ASH1L: variants seen among roughly 807,000 people sequenced by gnomAD.
ASH1L encodes the protein histone-lysine N-methyltransferase ASH1L.
Under a neutral mutation model 269.0 loss-of-function variants are expected in ASH1L, and 23 were observed. That is an observed-to-expected ratio of 0.09 (90% CI 0.06 to 0.12). The LOEUF (loss-of-function observed/expected upper bound fraction) is 0.12, where lower values mean the gene tolerates loss of function less well. ASH1L is among the 10% of genes least tolerant of loss of function. The pLI is 1.00. For missense variants in ASH1L, 2,912 were observed against 3,567.8 expected (o/e 0.82, Z 4.68); for synonymous variants, 1,187 against 1,253.5 (o/e 0.95, Z 1.12).
At chr1:155,423,568 A>AAAAAC (rs770798692) in intron 5 of ASH1L, among the ~76,000 whole-genome samples, 8 of 152,190 alleles carry the variant, frequency 5.3e-5, no homozygotes, top group South Asian at 2.1e-4. Context: ...ACTCTGTCTC[A>AAAAAC]AAAACAAAAC....
At chr1:155,534,961 G>A (rs543608234) in intron 1 of ASH1L, among the ~76,000 whole-genome samples, 5 of 152,286 alleles carry the variant, frequency 3.3e-5, no homozygotes, top group South Asian at 4.1e-4. Flanking sequence ...AGGCCAAGGC[G>A]GGTGGATCAC....
Position 155,478,509 on chromosome 1 carries a change from G to A in ASH1L, c.4361C>T (p.Thr1454Ile). 6.2e-7 allele frequency: 1 copy of A among 1,614,114 alleles called. No homozygotes were observed. The highest frequency in any genetic ancestry group is 1.3e-5 in the African/African-American group (1 of 75,034). Reference sequence around the variant, plus strand: ...GGAAAGGAGGGGAGTCCTGCTGGTTGTAAGAAAGGCCTCCTGTCGAAGTAG... The same window carrying A: ...GGAAAGGAGGGGAGTCCTGCTGGTTATAAGAAAGGCCTCCTGTCGAAGTAG... ...HKLLRQEAFL[T>I]TSRTPLLSMS... Residue 1454 changes from threonine to isoleucine, a missense_variant, in exon 3 of 28, where the codon ACA becomes ATA. By Grantham distance (89) the Thr-to-Ile change is moderately conservative. This residue lies in a region of ASH1L where 789 missense variants were observed against 897.6 expected (regional missense o/e 0.88). Transcript: ENST00000392403. This position sits in a 1 kb window ranked among gnomAD's most constrained non-coding sequence, Gnocchi z 4.6.
intron 22 of ASH1L, 116 bp downstream of exon 22, chr1:155,344,067 T>C (rs1469003909): frequency 2.0e-5 from 17 of 868,828 alleles, no homozygotes; most frequent in Admixed American, 2.5e-5. Flanking sequence ...TAAAAACTTA[T>C]ATTCTATTGC....
chr1:155,388,476 A>C (rs1474203415), intron 7 of ASH1L, among the ~76,000 whole-genome samples: 9 of 151,118 alleles, frequency 6.0e-5, no homozygotes, highest in African/African-American at 2.2e-4. Context: ...TTTCTTTTTA[A>C]ATTTTTGTAT....
chr1:155,478,601 A>T lies in ASH1L; in HGVS notation c.4269T>A (p.Pro1423=). ...PSPSFTTPLP[P]PSYMHAGHLL... is the part of the protein sequence containing the mutation. ...AATGACCAGCATGCATATAGGAAGG[A>T]GGTGGAAGTGGCGTGGTGAAAGAAG... is the stretch of plus-strand genomic sequence containing the variant. The change falls in exon 3 of 28, where the codon CCT becomes CCA. Residue 1423 remains proline (P), a synonymous_variant. Transcript: ENST00000392403. The surrounding 1 kb of genome is among the most constrained non-coding windows in gnomAD (Gnocchi z 4.6). The T allele has an allele frequency of 1.2e-6, 2 of 1,614,002 alleles. No individual in the cohort carries two copies. Among genetic ancestry groups the T allele is most frequent in the Non-Finnish European group, 1.7e-6 (2 of 1,180,008 alleles).
In ASH1L at chr1:155,481,441, T is replaced by C; in HGVS notation, c.1429A>G (p.Ile477Val). The C allele has an allele frequency of 6.2e-7, 1 of 1,614,108 alleles. No homozygotes were observed. ...KNVVRQNKES[I>V]LEKFSVRKEI... ...TTTCGTACTGAGAACTTTTCCAATA[T>C]GCTTTCTTTATTCTGCCGTACAACA... The change falls in exon 3 of 28, where the codon ATA becomes GTA. Residue 477 changes from isoleucine (I) to valine (V), a missense_variant. Ile to Val is a conservative substitution (Grantham distance 29). This residue lies in a region of ASH1L where 715 missense variants were observed against 721.0 expected (regional missense o/e 0.99). Transcript: ENST00000392403.
rs114298503 is a variant in ASH1L, at chr1:155,395,281, C to T, written c.6103+178G>A. 9.4e-3 allele frequency among the ~76,000 whole-genome samples: 1,435 copies of T among 152,160 alleles called. 26 individuals carry two copies. The highest frequency in any genetic ancestry group is 0.034 in the African/African-American group (1,393 of 41,502). The stretch of plus-strand genomic sequence containing the variant: ...ATGAACAAGATTTATGCCACTGTGA[C>T]CCCCTGACTATCAAACAGTGTATAA... On this transcript the variant is annotated intron_variant, in intron 7 of 27. Coordinates refer to ENST00000392403, the MANE Select transcript of ASH1L (RefSeq NM_018489.3).
In ASH1L at chr1:155,343,652, C is replaced by T. The variant is rs1046539314; in HGVS notation, c.8072G>A (p.Arg2691Gln). ...QSYRLLSHIN[R>Q]DKLDIFRIEK... Reference sequence around the variant, plus strand: ...AATGCGAAAGATGTCAAGTTTATCTCGGTTAATGTGAGATAACAGTCGATA... The same window carrying T: ...AATGCGAAAGATGTCAAGTTTATCTTGGTTAATGTGAGATAACAGTCGATA... Residue 2691 changes from arginine to glutamine, a missense_variant, in exon 23 of 28, where the codon CGA becomes CAA. This residue lies in a region of ASH1L where 179 missense variants were observed against 293.8 expected (regional missense o/e 0.61). Coordinates refer to ENST00000392403, the MANE Select transcript of ASH1L (RefSeq NM_018489.3). This position sits in a 1 kb window ranked among gnomAD's most constrained non-coding sequence, Gnocchi z 6.1. 7 of 1,614,020 alleles carry T rather than the reference C, an allele frequency of 4.3e-6. No homozygotes were observed. Among genetic ancestry groups the T allele is most frequent in the South Asian group, 1.1e-5 (1 of 91,084 alleles).
intron 1 of ASH1L, among the ~76,000 whole-genome samples, chr1:155,558,844 T>C (rs184543203): frequency 2.7e-5 from 4 of 149,940 alleles, no homozygotes; most frequent in Admixed American, 2.0e-4. Context: ...AGGCCCCTTT[T>C]TCTTTTCTTT....
At chr1:155,472,448 A>T (rs1665175029) in intron 3 of ASH1L, among the ~76,000 whole-genome samples, 1 of 152,192 alleles carries the variant, frequency 6.6e-6, no homozygotes. Context: ...CCTCTTGGGT[A>T]ATTTCAATGT....
intron 6 of ASH1L, among the ~76,000 whole-genome samples, chr1:155,408,615 A>T (rs1659506442): frequency 6.6e-6 from 1 of 152,188 alleles, no homozygotes; most frequent in Admixed American, 6.5e-5. Flanking sequence ...GCTCAAAGAT[A>T]AGTAATCTGA....
chr1:155,360,198 A>T, intron 13 of ASH1L, 103 bp downstream of exon 13: 1 of 794,050 alleles, frequency 1.3e-6, no homozygotes, highest in Non-Finnish European at 2.1e-6. Flanking sequence ...CCTCCCACAT[A>T]CTTCTTAATG....
At chr1:155,498,749 A>G (rs1667316920) in intron 2 of ASH1L, among the ~76,000 whole-genome samples, 1 of 151,726 alleles carries the variant, frequency 6.6e-6, no homozygotes, top group African/African-American at 2.4e-5. Context: ...CCAGCCGGCT[A>G]GTTTTTAAAA....
intron 20 of ASH1L, among the ~76,000 whole-genome samples, chr1:155,347,315 G>T (rs1653441175): frequency 6.6e-6 from 1 of 152,196 alleles, no homozygotes; most frequent in Non-Finnish European, 1.5e-5. Context: ...GCTGAGGTGG[G>T]AGGATTGCTT....
Position 155,349,581 on chromosome 1 carries a change from G to A in ASH1L, c.7382C>T (p.Ala2461Val). Residue 2461 changes from alanine (A) to valine (V), a missense_variant, in exon 18 of 28, where the codon GCA (alanine) becomes GTA (valine). Around this residue, in one of 13 missense-constraint regions of ASH1L, gnomAD observed 309 missense variants for 435.1 expected, o/e 0.71. Transcript: ENST00000392403. The stretch of plus-strand genomic sequence containing the variant: ...AAGGTTCAAAAGTGGAGCTGCCAGT[G>A]CTTGCCGGGAAGAATCTGCAAAAGA... ...IISYKDSSRQALAAPLLNLPP... is the reference protein window; with the variant it reads ...IISYKDSSRQVLAAPLLNLPP... The A allele has an allele frequency of 6.2e-7, 1 of 1,613,984 alleles. No homozygotes were observed. The highest frequency in any genetic ancestry group is 8.5e-7 in the Non-Finnish European group (1 of 1,179,950).
intron 2 of ASH1L, among the ~76,000 whole-genome samples, chr1:155,517,964 C>T (rs1216657290): frequency 6.6e-6 from 1 of 151,334 alleles, no homozygotes; most frequent in Admixed American, 6.6e-5. Flanking sequence ...CTACGCCCGG[C>T]TAATTTTTTG....
chr1:155,512,444 T>C (rs563971081), intron 2 of ASH1L, among the ~76,000 whole-genome samples: 1 of 135,052 alleles, frequency 7.4e-6, no homozygotes, highest in Non-Finnish European at 1.6e-5. Flanking sequence ...CAAAGGATCT[T>C]AGACTTTTTT....
chr1:155,482,565 G>C, intron 2 of ASH1L, 116 bp from the exon 3 acceptor site: 1 of 1,142,008 alleles, frequency 8.8e-7, no homozygotes, highest in South Asian at 1.6e-5. Flanking sequence ...AGGCAACAGT[G>C]GTTTTTAAAA....
chr1:155,499,066 G>A (rs777828993), intron 2 of ASH1L, among the ~76,000 whole-genome samples: 1 of 152,070 alleles, frequency 6.6e-6, no homozygotes, highest in Non-Finnish European at 1.5e-5. Context: ...ATTAGATGCT[G>A]AACTTGAATT....
Sources: allele counts gnomAD v4.1 joint callset (sites outside exome capture counted in the v4.1 genomes callset), GRCh38; gene constraint gnomAD v4.1.1; regional missense constraint gnomAD v4.1.1; non-coding constraint Gnocchi (gnomAD v3.1); transcripts MANE v1.5; gene names NCBI Gene and HGNC (gene_info 2026-07-23, HGNC 2026-07-21).